EPHA6: variants seen among roughly 807,000 people sequenced by gnomAD.
EPHA6 encodes the protein EPH receptor A6, also known as ephrin type-A receptor 6.
Under a neutral mutation model 112.0 loss-of-function variants are expected in EPHA6, and 50 were observed. The observed-to-expected ratio is 0.45, with a 90% CI of 0.36 to 0.56. The LOEUF (loss-of-function observed/expected upper bound fraction) is 0.56. Ranked by LOEUF, EPHA6 falls within the 20% of genes least tolerant of loss-of-function variation. The pLI is 0.00. For synonymous variants in EPHA6, 529 were observed against 490.7 expected (o/e 1.08, Z -1.03); for missense variants, 1,280 against 1,417.4 (o/e 0.90, Z 1.56).
At chr3:97,257,378 A>G (rs1341502951) in intron 5 of EPHA6, among the ~76,000 whole-genome samples, 1 of 152,008 alleles carries the variant, frequency 6.6e-6, no homozygotes, top group Non-Finnish European at 1.5e-5. Context: ...AAATTGGCAA[A>G]AGACAAGAGC....
At position 97,759,156 on chromosome 3, in the gene EPHA6, G is replaced by A. The variant is rs2036096186; in HGVS notation, c.*10455G>A. ...AAAAGGAAATGCAGTTGCTCATCTG[G>A]ATTAAATGCTTTTAAGAAGTCAAGA... On this transcript the variant is annotated 3_prime_UTR_variant, in exon 18 of 18. Transcript: ENST00000389672. Among the ~76,000 whole-genome samples the A allele has an allele frequency of 6.6e-6, 1 of 151,954 alleles. No individual in the cohort carries two copies. Among genetic ancestry groups the A allele is most frequent in the South Asian group, 2.1e-4 (1 of 4,816 alleles).
rs544147840 is a variant in EPHA6 at position 97,751,976 on chromosome 3, A to C, written c.*3275A>C. Among the ~76,000 whole-genome samples, 1 of 152,302 alleles carries C rather than the reference A, an allele frequency of 6.6e-6. No individual in the cohort carries two copies. Among genetic ancestry groups the C allele is most frequent in the East Asian group, 1.9e-4 (1 of 5,190 alleles). On this transcript the variant is annotated 3_prime_UTR_variant, in exon 18 of 18. Transcript: ENST00000389672. ...AAAATGTGAAAACAATGTACAATCA[A>C]GGAGAGAGATAAAGTATTTAAATCA... is the stretch of plus-strand genomic sequence containing the variant.
At chr3:97,589,157 T>C (rs1423404274) in intron 11 of EPHA6, among the ~76,000 whole-genome samples, 1 of 151,436 alleles carries the variant, frequency 6.6e-6, no homozygotes, top group African/African-American at 2.4e-5. Flanking sequence ...TTTTTTCTTT[T>C]CTTCTCTTTT....
chr3:97,244,415 A>G (rs1293660455), intron 5 of EPHA6, 128 bp downstream of exon 5: 3 of 735,412 alleles, frequency 4.1e-6, no homozygotes, highest in East Asian at 2.6e-5. Flanking sequence ...GAGGTAATGC[A>G]CTGGTTGTTG....
chr3:97,108,931 A>G lies in EPHA6; in HGVS notation c.1115-117333A>G, dbSNP rs539719990. On this transcript the variant is annotated intron_variant, in intron 3 of 17. Coordinates refer to ENST00000389672, the MANE Select transcript of EPHA6 (RefSeq NM_001080448.3). ...GTAGATGTTCAAAGCTATGGTGGAC[A>G]TCAAATGTTGCAGCCATTCCAGTGG... 1.5e-4 allele frequency among the ~76,000 whole-genome samples: 23 copies of G among 152,290 alleles called. No homozygotes were observed. In the South Asian group the frequency reaches 4.8e-3, roughly 32 times the overall value.
At chr3:97,709,320 T>G (rs2033846643) in intron 14 of EPHA6, among the ~76,000 whole-genome samples, 1 of 152,168 alleles carries the variant, frequency 6.6e-6, no homozygotes, top group African/African-American at 2.4e-5. Context: ...AGGAGATTAT[T>G]TTGGAACTTT....
At chr3:97,012,918 G>T (rs2856467) in intron 3 of EPHA6, among the ~76,000 whole-genome samples, 2,388 of 151,986 alleles carry the variant, frequency 0.016, 35 homozygotes, top group Non-Finnish European at 0.024. Flanking sequence ...TAGTATATTT[G>T]CCCACTTTAC....
In EPHA6 at chr3:97,341,166, G is replaced by A. The variant is rs2083284062; in HGVS notation, c.1607-63984G>A. ...ATCTGCCTTCATTAGCAAGGAAGGAGAAAATGCTTGTGTGGAGGCAACTGA... is the reference window on the plus strand; with the variant it reads ...ATCTGCCTTCATTAGCAAGGAAGGAAAAAATGCTTGTGTGGAGGCAACTGA... On this transcript the variant is annotated intron_variant, in intron 5 of 17. Coordinates refer to ENST00000389672, the MANE Select transcript of EPHA6 (RefSeq NM_001080448.3). 2.0e-5 allele frequency among the ~76,000 whole-genome samples: 3 copies of A among 152,278 alleles called. No individual in the cohort carries two copies. In the South Asian group the frequency reaches 6.2e-4, roughly 32 times the overall value.
intron 14 of EPHA6, among the ~76,000 whole-genome samples, chr3:97,677,664 T>G (rs866168806): frequency 2.8e-5 from 4 of 142,348 alleles, no homozygotes; most frequent in African/African-American, 1.1e-4. Flanking sequence ...GAGGTTGCAG[T>G]GAGCCAAGAC....
chr3:97,428,955 T>A (rs748638165), intron 6 of EPHA6, among the ~76,000 whole-genome samples: 7 of 152,206 alleles, frequency 4.6e-5, no homozygotes, highest in Non-Finnish European at 1.0e-4. Flanking sequence ...GGGCCTGTAT[T>A]ATGGTCTGAA....
intron 5 of EPHA6, among the ~76,000 whole-genome samples, chr3:97,279,917 C>T (rs2080230145): frequency 6.6e-6 from 1 of 152,008 alleles, no homozygotes; most frequent in Non-Finnish European, 1.5e-5. Context: ...CAGAGTCTTG[C>T]TCTTGTTGCC....
chr3:97,139,304 G>A (rs550693286), intron 3 of EPHA6, among the ~76,000 whole-genome samples: 14 of 152,284 alleles, frequency 9.2e-5, no homozygotes, highest in Admixed American at 4.6e-4. Flanking sequence ...TACTGGTGGG[G>A]AAGCCAGCCT....
chr3:97,004,918 G>T (rs2043817874), intron 3 of EPHA6, among the ~76,000 whole-genome samples: 2 of 152,258 alleles, frequency 1.3e-5, no homozygotes, highest in South Asian at 4.1e-4. Flanking sequence ...GGATCAGATG[G>T]TTGTAGATGT....
chr3:96,872,617 G>A (rs1286682112), intron 2 of EPHA6, among the ~76,000 whole-genome samples: 1 of 151,900 alleles, frequency 6.6e-6, no homozygotes, highest in African/African-American at 2.4e-5. Flanking sequence ...CAGGTTGGTG[G>A]GCTTTAACAA....
intron 4 of EPHA6, among the ~76,000 whole-genome samples, chr3:97,241,756 T>G (rs967782894): frequency 2.2e-5 from 2 of 91,792 alleles, no homozygotes; most frequent in Non-Finnish European, 1.7e-5. Context: ...AGCCTTCTTG[T>G]TTTTTTTTTT....
chr3:97,287,001 TAAA>T (rs1213268790), intron 5 of EPHA6, among the ~76,000 whole-genome samples: 1 of 143,108 alleles, frequency 7.0e-6, no homozygotes, highest in African/African-American at 2.6e-5. Flanking sequence ...ATGCAGCTGT[TAAA>T]AAAAAAAAAG....
chr3:97,010,013 A>T (rs1240268397), intron 3 of EPHA6: 1 of 1,144,442 alleles, frequency 8.7e-7, no homozygotes. Flanking sequence ...GGAGCCTCCA[A>T]AGGCCGCTGC....
At chr3:96,944,769 G>A (rs897601004) in intron 2 of EPHA6, among the ~76,000 whole-genome samples, 1 of 152,076 alleles carries the variant, frequency 6.6e-6, no homozygotes, top group African/African-American at 2.4e-5. Context: ...GTGAAACCCC[G>A]TCTCTACTAA....
At chr3:97,419,939 A>G (rs2088476948) in intron 6 of EPHA6, among the ~76,000 whole-genome samples, 1 of 152,102 alleles carries the variant, frequency 6.6e-6, no homozygotes, top group African/African-American at 2.4e-5. Context: ...CAAAATGAAG[A>G]CAAGAAACTT....
Sources: allele counts gnomAD v4.1 joint callset (sites outside exome capture counted in the v4.1 genomes callset), GRCh38; gene constraint gnomAD v4.1.1; transcripts MANE v1.5; gene names NCBI Gene and HGNC (gene_info 2026-07-23, HGNC 2026-07-21).